The following CGGBP1 variants were observed in gnomAD, a reference collection of about 807,000 sequenced individuals.
CGGBP1 encodes the protein CGG triplet repeat binding protein 1.
In CGGBP1, 4 loss-of-function variants were observed where a neutral mutation model predicts 11.4. That is an observed-to-expected ratio of 0.35 (90% confidence interval 0.17 to 0.80). The LOEUF (loss-of-function observed/expected upper bound fraction) is 0.80. CGGBP1 is among the 30% of genes least tolerant of loss of function. The pLI is 0.52. For synonymous variants in CGGBP1, 76 were observed against 74.1 expected, an observed-to-expected ratio of 1.03 and a Z score of -0.13; for missense variants, 135 against 202.1, an observed-to-expected ratio of 0.67 and a Z score of 2.01.
chr3:88,113,205 CA>C, intron 2 of CGGBP1: 10 of 1,501,268 alleles, frequency 6.7e-6, no homozygotes, highest in Non-Finnish European at 8.9e-6. Context: ...AGGTAAAAAA[CA>C]GTTTACTACT....
Position 88,113,555 on chromosome 3 carries a change from C to T in CGGBP1, c.-229+27415G>A, listed in dbSNP as rs544499426. 5.1e-4 allele frequency among the ~76,000 whole-genome samples: 77 copies of T among 152,224 alleles called. 1 individual carries two copies. Among genetic ancestry groups the T allele is most frequent in the African/African-American group, 1.8e-3 (74 of 41,544 alleles). Reference sequence around the variant, plus strand: ...TCCCTTGGCTGTACCTTGATTTTCTCTCTCATAATAGCTTTCCGAAGCTAG... The same window carrying T: ...TCCCTTGGCTGTACCTTGATTTTCTTTCTCATAATAGCTTTCCGAAGCTAG... On this transcript the variant is annotated intron_variant, in intron 2 of 3. Coordinates refer to the CGGBP1 transcript ENST00000462901.
At chr3:88,129,192 C>CA in intron 2 of CGGBP1, 1 of 522,824 alleles carries the variant, frequency 1.9e-6, no homozygotes, top group East Asian at 3.0e-5. Context: ...TTGAATTAGT[C>CA]AAAATCTGAT....
intron 2 of CGGBP1, among the ~76,000 whole-genome samples, chr3:88,079,292 GA>G (rs1707964780): frequency 6.6e-6 from 1 of 152,040 alleles, no homozygotes; most frequent in South Asian, 2.1e-4. Context: ...AGCACAAACA[GA>G]TATGCTAATG....
chr3:88,095,733 G>A, intron 2 of CGGBP1: 2 of 388,812 alleles, frequency 5.1e-6, no homozygotes, highest in Non-Finnish European at 4.9e-6. Context: ...CTTCTCCCCA[G>A]GCTTGTTATT....
chr3:88,097,350 C>A (rs939284804), intron 2 of CGGBP1, among the ~76,000 whole-genome samples: 2 of 151,750 alleles, frequency 1.3e-5, no homozygotes, highest in Non-Finnish European at 2.9e-5. Flanking sequence ...TTTTCTCACA[C>A]CTTTGTCAAC....
chr3:88,058,700 T>G (rs9310064), intron 1 of CGGBP1, 115 bp downstream of exon 1: 144,029 of 152,294 alleles, frequency 0.95, 68,621 homozygotes, highest in East Asian at 1. Context: ...TCTTCCTCCC[T>G]CCGACAACTG....
At chr3:88,126,337 G>C in intron 2 of CGGBP1, 1 of 1,305,456 alleles carries the variant, frequency 7.7e-7, no homozygotes, top group Non-Finnish European at 9.8e-7. Flanking sequence ...TTACTAACTA[G>C]AGCAGTAATA....
At chr3:88,101,502 C>T (rs1463541437) in intron 2 of CGGBP1, among the ~76,000 whole-genome samples, 1 of 152,034 alleles carries the variant, frequency 6.6e-6, no homozygotes, top group African/African-American at 2.4e-5. Flanking sequence ...TTGAGGTTTA[C>T]CTATGTTAGC....
chr3:88,100,309 A>G (rs1048017737), intron 2 of CGGBP1, among the ~76,000 whole-genome samples: 3 of 152,204 alleles, frequency 2.0e-5, no homozygotes, highest in African/African-American at 7.2e-5. Flanking sequence ...CAATCATTAA[A>G]AAGTCAGGAA....
chr3:88,083,403 A>G (rs978428925), intron 2 of CGGBP1, among the ~76,000 whole-genome samples: 1 of 152,234 alleles, frequency 6.6e-6, no homozygotes, highest in Non-Finnish European at 1.5e-5. Flanking sequence ...TATATACTAT[A>G]TCCCATTTAG....
chr3:88,113,096 ATTCAC>A, intron 2 of CGGBP1: 2 of 1,486,268 alleles, frequency 1.3e-6, no homozygotes, highest in Non-Finnish European at 9.0e-7. Flanking sequence ...AATGAAAGTT[ATTCAC>A]TTATTCTTTC....
Position 88,055,365 on chromosome 3 carries a change from C to T in CGGBP1, c.*108G>A. ...ACTATATACACATTGCAAAACTATTCTGCGTCACATGATTTTAAATGAAAT... is the reference window on the plus strand; with the variant it reads ...ACTATATACACATTGCAAAACTATTTTGCGTCACATGATTTTAAATGAAAT... On this transcript the variant is annotated 3_prime_UTR_variant, in exon 4 of 4. Transcript: ENST00000482016. The surrounding 1 kb of genome is among the most constrained non-coding windows in gnomAD (Gnocchi z 4.2). The T allele has an allele frequency of 1.8e-6, 2 of 1,123,796 alleles. No individual in the cohort carries two copies. The highest frequency in any genetic ancestry group is 2.5e-5 in the Admixed American group (1 of 39,430). 69.6% of individuals were successfully genotyped at this position (1,123,796 alleles called of 1,614,324 possible).
chr3:88,132,531 C>A (rs1054173585), intron 2 of CGGBP1, among the ~76,000 whole-genome samples: 42 of 152,120 alleles, frequency 2.8e-4, no homozygotes, highest in Non-Finnish European at 1.5e-4. Context: ...ATCCACTGTA[C>A]AACTAAAACC....
intron 2 of CGGBP1, among the ~76,000 whole-genome samples, chr3:88,080,077 T>C (rs917009026): frequency 3.3e-5 from 5 of 152,090 alleles, no homozygotes; most frequent in Non-Finnish European, 5.9e-5. Flanking sequence ...GGGAGAATTG[T>C]AAAAACAGTG....
chr3:88,144,710 TATAAG>T (rs1397110822), intron 1 of CGGBP1: 3 of 152,470 alleles, frequency 2.0e-5, no homozygotes, highest in Admixed American at 6.6e-5. Flanking sequence ...GAATTAGACA[TATAAG>T]GTATATATTA....
intron 2 of CGGBP1, chr3:88,139,266 C>T (rs775907695): frequency 6.5e-7 from 1 of 1,541,806 alleles, no homozygotes. Flanking sequence ...TCTTACAGCT[C>T]TCAGTACTTC....
chr3:88,069,400 T>A (rs1196367970), intron 2 of CGGBP1, among the ~76,000 whole-genome samples: 2 of 152,180 alleles, frequency 1.3e-5, no homozygotes, highest in African/African-American at 2.4e-5. Context: ...TCAGCCTGGG[T>A]GACAAAGTGA....
upstream of CGGBP1, chr3:88,059,167 G>T: frequency 7.2e-7 from 1 of 1,393,884 alleles, no homozygotes; most frequent in Non-Finnish European, 9.4e-7. Context: ...GCGTGGGTGG[G>T]CGGAGCCGGA....
At chr3:88,059,273 G>T (rs1201713566), upstream of CGGBP1, 2 of 1,532,284 alleles carry the variant, frequency 1.3e-6, no homozygotes, top group African/African-American at 2.7e-5. Flanking sequence ...CATCTACGGC[G>T]GCGGCGGCGG....
Sources: gnomAD v4.1 joint callset for allele counts (sites outside exome capture counted in the v4.1 genomes callset) on GRCh38, gnomAD v4.1.1 for gene constraint, Gnocchi (gnomAD v3.1) non-coding constraint, MANE v1.5 for transcripts, NCBI Gene and HGNC (gene_info 2026-07-23, HGNC 2026-07-21) for gene names.